Variants in PTH observed in about 807,000 individuals in gnomAD.
PTH encodes parathyroid hormone, also known as parathormone.
Under a neutral mutation model 7.4 loss-of-function variants are expected in PTH, and 7 were observed. The observed-to-expected ratio is 0.94, with a 90% CI of 0.53 to 1.77. PTH has a LOEUF of 1.77. Ranked by LOEUF, PTH falls within the 40% of genes most tolerant of loss-of-function variation. The pLI, the probability that PTH is intolerant of heterozygous loss-of-function variation, is 0.00. For synonymous variants in PTH, 51 were observed against 46.6 expected (o/e 1.09, Z -0.39); for missense variants, 128 against 137.1 (o/e 0.93, Z 0.33).
At chr11:13,495,715 T>C (rs983433101) in intron 1 of PTH, among the ~76,000 whole-genome samples, 196 bp downstream of exon 1, 8 of 152,190 alleles carry the variant, frequency 5.3e-5, no homozygotes, top group African/African-American at 1.9e-4. Flanking sequence ...CAGAAGACTT[T>C]AATCAAAAAG....
intron 1 of PTH, among the ~76,000 whole-genome samples, chr11:13,493,823 A>T (rs12791391): frequency 0.37 from 56,810 of 152,020 alleles, 12,111 homozygotes; most frequent in Non-Finnish European, 0.48. Flanking sequence ...CATGTTTTTA[A>T]ATTTTTTTTA....
At chr11:13,494,637 A>ATC (rs1177724944) in intron 1 of PTH, among the ~76,000 whole-genome samples, 2 of 152,172 alleles carry the variant, frequency 1.3e-5, no homozygotes, top group Admixed American at 1.3e-4. Context: ...TTATACTCAG[A>ATC]TCTCACCTCA....
intron 1 of PTH, among the ~76,000 whole-genome samples, chr11:13,494,426 A>C (rs559380523): frequency 6.6e-6 from 1 of 152,248 alleles, no homozygotes; most frequent in Non-Finnish European, 1.5e-5. Context: ...GCTGGATCTC[A>C]GTTTACTGAG....
intron 1 of PTH, 81 bp from the exon 2 acceptor site, chr11:13,492,941 A>C (rs1200133994): frequency 7.6e-7 from 1 of 1,308,358 alleles, no homozygotes; most frequent in Non-Finnish European, 1.1e-6. Flanking sequence ...AATACTAACT[A>C]ATTGGGTTGG....
chr11:13,494,602 C>A lies in PTH; in HGVS notation c.-6+1309G>T, dbSNP rs182107178. 6.1e-3 allele frequency among the ~76,000 whole-genome samples: 936 copies of A among 152,236 alleles called. 7 individuals carry two copies. Among genetic ancestry groups the A allele is most frequent in the African/African-American group, 0.021 (869 of 41,540 alleles). On this transcript the variant is annotated intron_variant, in intron 1 of 2. Coordinates refer to ENST00000282091, the MANE Select transcript of PTH (RefSeq NM_000315.4). ...TACTTTTCTTTTTGGCAAATTAAGCCCTTTAAAATACTTCTGACCTATCTT... is the reference window on the plus strand; with the variant it reads ...TACTTTTCTTTTTGGCAAATTAAGCACTTTAAAATACTTCTGACCTATCTT...
rs1475526363 is a variant in PTH, at chr11:13,492,711, C to T, written c.87-45G>A. The T allele has an allele frequency of 5.0e-6, 8 of 1,613,756 alleles. No individual in the cohort carries two copies. The African/African-American group carries it at 1.1e-4, about 22-fold the overall frequency. On this transcript the variant is annotated intron_variant, in intron 2 of 2. Coordinates refer to ENST00000282091, the MANE Select transcript of PTH (RefSeq NM_000315.4). ...AGAGGGCCACTTCCCATTAGCTCCC[C>T]ACTTCGAAATGATAAAGTCAACATT...
chr11:13,493,113 A>T (rs928860259), intron 1 of PTH, among the ~76,000 whole-genome samples: 63 of 148,298 alleles, frequency 4.2e-4, no homozygotes, highest in Non-Finnish European at 6.9e-4. Context: ...ATTTATTTTT[A>T]TTTATTTTTT....
In PTH at chr11:13,492,342, A is replaced by G. The variant is rs1463721292; in HGVS notation, c.*63T>C. On this transcript the variant is annotated 3_prime_UTR_variant, in exon 3 of 3. Coordinates refer to ENST00000282091, the MANE Select transcript of PTH (RefSeq NM_000315.4). ...GGAAATCTTAATAGAGCTTTGAATTAGCAGCATGTATTGTTGCCCTACACT... is the reference window on the plus strand; with the variant it reads ...GGAAATCTTAATAGAGCTTTGAATTGGCAGCATGTATTGTTGCCCTACACT... 2 of 1,586,562 alleles carry G rather than the reference A, an allele frequency of 1.3e-6. No homozygotes were observed. Among genetic ancestry groups the G allele is most frequent in the Non-Finnish European group, 1.7e-6 (2 of 1,167,374 alleles).
intron 1 of PTH, among the ~76,000 whole-genome samples, chr11:13,495,142 A>G (rs1223182061): frequency 6.6e-6 from 1 of 152,176 alleles, no homozygotes; most frequent in Non-Finnish European, 1.5e-5. Flanking sequence ...TTTGTAGCTT[A>G]TTTCTTCAAC....
At chr11:13,493,111 T>A (rs1044429739) in intron 1 of PTH, among the ~76,000 whole-genome samples, 62 of 150,216 alleles carry the variant, frequency 4.1e-4, no homozygotes, top group Non-Finnish European at 6.9e-4. Flanking sequence ...TTATTTATTT[T>A]TATTTATTTT....
intron 1 of PTH, among the ~76,000 whole-genome samples, chr11:13,494,219 A>G (rs1200925728): frequency 6.6e-6 from 1 of 152,172 alleles, no homozygotes; most frequent in African/African-American, 2.4e-5. Context: ...TGGAGAGAAG[A>G]GTCTCCAACA....
intron 1 of PTH, 132 bp from the exon 2 acceptor site, chr11:13,492,992 G>A (rs2134093407): frequency 2.5e-6 from 2 of 806,516 alleles, no homozygotes; most frequent in Middle Eastern, 7.2e-4. Flanking sequence ...TTTATTTTAT[G>A]GATACATTAG....
At chr11:13,495,649 A>C (rs1255512102) in intron 1 of PTH, among the ~76,000 whole-genome samples, 1 of 152,194 alleles carries the variant, frequency 6.6e-6, no homozygotes, top group Non-Finnish European at 1.5e-5. Flanking sequence ...TAGCATGCCA[A>C]ATTTTAATGA....
chr11:13,492,524 C>T lies in PTH; in HGVS notation c.229G>A (p.Ala77Thr), dbSNP rs1306558603. ...ALGAPLAPRD[A>T]GSQRPRKKED... ...TTTTTTCGGGGCCTCTGGGAACCAG[C>T]ATCTCTGGGAGCTAGAGGAGCTCCA... Residue 77 changes from alanine (A) to threonine (T), a missense_variant, in exon 3 of 3, where the codon GCT becomes ACT. Physicochemically the swap from Ala to Thr is moderately conservative, Grantham distance 58 (BLOSUM62 0). Coordinates refer to ENST00000282091, the MANE Select transcript of PTH (RefSeq NM_000315.4). 1.2e-6 allele frequency: 2 copies of T among 1,614,050 alleles called. No homozygotes were observed. Among genetic ancestry groups the T allele is most frequent in the Non-Finnish European group, 1.7e-6 (2 of 1,180,034 alleles).
At chr11:13,492,891 A>T (rs780797097) in intron 1 of PTH, 31 bp from the exon 2 acceptor site, 52 of 1,574,628 alleles carry the variant, frequency 3.3e-5, no homozygotes, top group Admixed American at 1.9e-4. Flanking sequence ...GAGGTATTTT[A>T]AAATATTTTT....
At chr11:13,493,179 A>G (rs1847499395) in intron 1 of PTH, among the ~76,000 whole-genome samples, 1 of 151,946 alleles carries the variant, frequency 6.6e-6, no homozygotes, top group Non-Finnish European at 1.5e-5. Context: ...ATATGCTAGT[A>G]TTAATTTCAC....
rs971164651 is a variant in PTH at position 13,492,139 on chromosome 11, C to T, written c.*266G>A. ...AAGGTAGAAGAGAGGTTTAAAAGTG[C>T]AATTTTATTCTTTTATAAATTATGC... On this transcript the variant is annotated 3_prime_UTR_variant, in exon 3 of 3. Transcript: ENST00000282091. The T allele has an allele frequency of 1.1e-4, 42 of 393,752 alleles. No homozygotes were observed. The Admixed American group carries it at 1.4e-3, about 13-fold the overall frequency. 24.4% of individuals were successfully genotyped at this position (393,752 alleles called of 1,614,324 possible).
At position 13,492,565 on chromosome 11, in the gene PTH, T is replaced by G; in HGVS notation, c.188A>C (p.His63Pro). ...AGGAGCTCCAAGGGCAACAAAATTG[T>G]GCACATCCTGCAGCTTCTTACGCAG... ...EWLRKKLQDV[H>P]NFVALGAPLA... is the part of the protein sequence containing the mutation. Residue 63 changes from histidine to proline, a missense_variant, in exon 3 of 3, where the codon CAC (histidine) becomes CCC (proline). Transcript: ENST00000282091. The G allele has an allele frequency of 6.2e-7, 1 of 1,614,198 alleles. No homozygotes were observed. The highest frequency in any genetic ancestry group is 8.5e-7 in the Non-Finnish European group (1 of 1,180,026).
chr11:13,492,551 G>T lies in PTH; in HGVS notation c.202C>A (p.Leu68Ile). 1 of 1,614,080 alleles carries T rather than the reference G, an allele frequency of 6.2e-7. No homozygotes were observed. Among genetic ancestry groups the T allele is most frequent in the Non-Finnish European group, 8.5e-7 (1 of 1,180,020 alleles). The change falls in exon 3 of 3, where the codon CTT (leucine) becomes ATT (isoleucine). Residue 68 changes from leucine to isoleucine, a missense_variant. Transcript: ENST00000282091. ...TCTCTGGGAGCTAGAGGAGCTCCAAGGGCAACAAAATTGTGCACATCCTGC... is the reference window on the plus strand; with the variant it reads ...TCTCTGGGAGCTAGAGGAGCTCCAATGGCAACAAAATTGTGCACATCCTGC... ...KLQDVHNFVALGAPLAPRDAG... is the reference protein window; with the variant it reads ...KLQDVHNFVAIGAPLAPRDAG...
Sources: allele counts gnomAD v4.1 joint callset (sites outside exome capture counted in the v4.1 genomes callset), GRCh38; gene constraint gnomAD v4.1.1; transcripts MANE v1.5; gene names NCBI Gene and HGNC (gene_info 2026-07-23, HGNC 2026-07-21).